MKX: variants seen among roughly 807,000 people sequenced by gnomAD.
MKX encodes homeobox protein Mohawk.
In MKX, 13 loss-of-function variants were observed where a neutral mutation model predicts 36.0. That is an observed-to-expected ratio of 0.36 (90% CI 0.24 to 0.57). MKX has a LOEUF of 0.57. Among genes scored for constraint, MKX ranks in the 20% least tolerant of loss-of-function variants. The pLI is 0.79. For synonymous variants in MKX, 176 were observed against 178.3 expected (o/e 0.99, Z 0.10); for missense variants, 458 against 456.4 (o/e 1.00, Z -0.03).
At chr10:27,676,016 A>G (rs906262733) in intron 5 of MKX, among the ~76,000 whole-genome samples, 16 of 152,204 alleles carry the variant, frequency 1.1e-4, no homozygotes, top group African/African-American at 3.9e-4. Context: ...CATATCTGTA[A>G]TCCCAGCACT....
At chr10:27,720,269 T>C (rs1834348324) in intron 5 of MKX, among the ~76,000 whole-genome samples, 2 of 151,706 alleles carry the variant, frequency 1.3e-5, no homozygotes, top group African/African-American at 4.8e-5. Flanking sequence ...TTCCAGCTCA[T>C]TCAATAAGCC....
intron 5 of MKX, among the ~76,000 whole-genome samples, chr10:27,684,718 A>G (rs143639736): frequency 1.1e-4 from 16 of 152,380 alleles, no homozygotes; most frequent in African/African-American, 3.8e-4. Flanking sequence ...AAACTTGAAT[A>G]TTAAGCAGTG....
intron 5 of MKX, among the ~76,000 whole-genome samples, chr10:27,728,325 G>A (rs1487463200): frequency 1.3e-5 from 2 of 152,200 alleles, no homozygotes; most frequent in East Asian, 3.9e-4. Flanking sequence ...TCTTGATGCC[G>A]CCGTAAGACT....
chr10:27,685,676 T>G (rs1363565959), intron 5 of MKX, among the ~76,000 whole-genome samples: 1 of 152,094 alleles, frequency 6.6e-6, no homozygotes, highest in African/African-American at 2.4e-5. Context: ...GGTCTCAATC[T>G]CCTAACCTTG....
intron 5 of MKX, among the ~76,000 whole-genome samples, chr10:27,708,242 C>T (rs1836790874): frequency 6.6e-6 from 1 of 152,160 alleles, no homozygotes; most frequent in African/African-American, 2.4e-5. Flanking sequence ...TGCATCCTGG[C>T]AAGTATCTCA....
At chr10:27,725,073 C>G (rs565979153) in intron 5 of MKX, among the ~76,000 whole-genome samples, 1 of 152,204 alleles carries the variant, frequency 6.6e-6, no homozygotes, top group South Asian at 2.1e-4. Context: ...TGCCAAAAAC[C>G]GTTAGACTTA....
At chr10:27,714,111 GC>G (rs1202579158) in intron 5 of MKX, among the ~76,000 whole-genome samples, 1 of 151,802 alleles carries the variant, frequency 6.6e-6, no homozygotes, top group Admixed American at 6.6e-5. Context: ...CATGAGTGGA[GC>G]CCAAAGGGAG....
intron 5 of MKX, among the ~76,000 whole-genome samples, chr10:27,692,995 T>C (rs534242928): frequency 6.6e-6 from 1 of 152,294 alleles, no homozygotes; most frequent in South Asian, 2.1e-4. Flanking sequence ...CTGGATTGAA[T>C]TGTGATGGAG....
intron 5 of MKX, among the ~76,000 whole-genome samples, chr10:27,724,568 T>G (rs1834446477): frequency 6.6e-6 from 1 of 152,156 alleles, no homozygotes; most frequent in East Asian, 1.9e-4. Flanking sequence ...AAACTGAGAC[T>G]AATCTATCTC....
chr10:27,693,987 AG>A (rs1254651733), intron 5 of MKX, among the ~76,000 whole-genome samples: 2 of 152,116 alleles, frequency 1.3e-5, no homozygotes, highest in Non-Finnish European at 2.9e-5. Context: ...TGATTTCACA[AG>A]GGGTTTCCCC....
rs76238803 is a variant in MKX, at chr10:27,712,848, G to A, written c.838+21608C>T. ...GCTACTAGAGAAGCTGAGGTGGGGG[G>A]ACGGCTTGAGCCCCAGAGCTCAAGG... On this transcript the variant is annotated intron_variant, in intron 5 of 6. Transcript: ENST00000419761. 3.5e-3 allele frequency among the ~76,000 whole-genome samples: 535 copies of A among 152,226 alleles called. 7 individuals carry two copies. The highest frequency in any genetic ancestry group is 0.012 in the African/African-American group (503 of 41,520).
intron 5 of MKX, among the ~76,000 whole-genome samples, chr10:27,678,006 T>G (rs887122531): frequency 2.0e-5 from 3 of 152,240 alleles, no homozygotes; most frequent in Non-Finnish European, 2.9e-5. Flanking sequence ...AGGAAAAGAA[T>G]GATCATTTGT....
At chr10:27,708,755 T>C (rs1836802092) in intron 5 of MKX, among the ~76,000 whole-genome samples, 1 of 148,084 alleles carries the variant, frequency 6.8e-6, no homozygotes, top group Non-Finnish European at 1.5e-5. Flanking sequence ...TATTGCCAGA[T>C]AATATGTCGA....
chr10:27,697,219 C>A (rs890397589), intron 5 of MKX, among the ~76,000 whole-genome samples: 3 of 152,150 alleles, frequency 2.0e-5, no homozygotes, highest in Non-Finnish European at 4.4e-5. Flanking sequence ...TCCTTGGATG[C>A]CTGGCACTTA....
intron 5 of MKX, among the ~76,000 whole-genome samples, chr10:27,701,580 A>G (rs2132527037): frequency 6.9e-6 from 1 of 145,638 alleles, no homozygotes; most frequent in South Asian, 2.1e-4. Context: ...ATGTATATAT[A>G]ATATAAAATT....
At position 27,711,512 on chromosome 10, in the gene MKX, T is replaced by TC. The variant is rs1564357167; in HGVS notation, c.838+22943_838+22944insG. 9.0e-4 allele frequency among the ~76,000 whole-genome samples: 122 copies of TC among 136,282 alleles called. 1 individual carries two copies. The highest frequency in any genetic ancestry group is 3.5e-3 in the African/African-American group (118 of 33,350). The allele number at this position is 136,282 out of a possible 152,430, so 89.4% of individuals were successfully genotyped here. A position where few individuals can be genotyped will look rare whatever the true frequency, so the allele number is the denominator to read the frequency against. ...CTCTCTCTCTTCTTTCCTTCCTTCCTTCCTTCCTTCCTTCCTTCCTTCCTT... is the reference window on the plus strand; with the variant it reads ...CTCTCTCTCTTCTTTCCTTCCTTCCTCTCCTTCCTTCCTTCCTTCCTTCCTT... On this transcript the variant is annotated intron_variant, in intron 5 of 6. Coordinates refer to ENST00000419761, the MANE Select transcript of MKX (RefSeq NM_173576.3).
intron 5 of MKX, among the ~76,000 whole-genome samples, chr10:27,706,038 C>T (rs1003823316): frequency 2.0e-5 from 3 of 152,118 alleles, no homozygotes; most frequent in African/African-American, 7.2e-5. Context: ...CTCCTCATTC[C>T]TCCCTCCCCC....
chr10:27,727,853 A>G (rs975498784), intron 5 of MKX, among the ~76,000 whole-genome samples: 18 of 152,236 alleles, frequency 1.2e-4, no homozygotes, highest in Non-Finnish European at 7.3e-5. Flanking sequence ...TAGAAAGATT[A>G]TTAAAGTACC....
At chr10:27,731,406 CCT>C (rs1475467919) in intron 5 of MKX, among the ~76,000 whole-genome samples, 13 of 151,986 alleles carry the variant, frequency 8.6e-5, no homozygotes, top group East Asian at 1.9e-4. Flanking sequence ...CTTGAAATCC[CCT>C]GTTTTACTAT....
Sources: allele counts gnomAD v4.1 joint callset (sites outside exome capture counted in the v4.1 genomes callset), GRCh38; gene constraint gnomAD v4.1.1; transcripts MANE v1.5; gene names NCBI Gene and HGNC (gene_info 2026-07-23, HGNC 2026-07-21).